Variants in TSC22D1 observed in about 807,000 individuals in gnomAD.
The protein encoded by TSC22D1 is TSC22 domain family member 1.
In TSC22D1, 9 loss-of-function variants were observed where a neutral mutation model predicts 74.2. That is an observed-to-expected ratio of 0.12 (90% confidence interval 0.07 to 0.21). The LOEUF (loss-of-function observed/expected upper bound fraction) is 0.21. TSC22D1 is among the 10% of genes least tolerant of loss of function. TSC22D1 has a pLI of 1.00. For synonymous variants in TSC22D1, 586 were observed against 492.5 expected (o/e 1.19, Z -2.51); for missense variants, 1,427 against 1,304.7 (o/e 1.09, Z -1.44).
At chr13:44,562,190 C>A (rs957882613) in intron 1 of TSC22D1, among the ~76,000 whole-genome samples, 2 of 152,130 alleles carry the variant, frequency 1.3e-5, no homozygotes, top group South Asian at 2.1e-4. Flanking sequence ...CAGGCGTGCA[C>A]GCCACCATGC....
chr13:44,486,390 T>C (rs1200962615), intron 1 of TSC22D1, among the ~76,000 whole-genome samples: 1 of 152,096 alleles, frequency 6.6e-6, no homozygotes, highest in Non-Finnish European at 1.5e-5. Flanking sequence ...AAATGCATCA[T>C]TAGGGTTAAA....
intron 1 of TSC22D1, among the ~76,000 whole-genome samples, chr13:44,449,894 T>C (rs1875982812): frequency 6.6e-6 from 1 of 152,174 alleles, no homozygotes; most frequent in African/African-American, 2.4e-5. Flanking sequence ...CGCATTTATT[T>C]AACAGTGAGC....
intron 1 of TSC22D1, among the ~76,000 whole-genome samples, chr13:44,505,137 T>C (rs1879388226): frequency 6.6e-6 from 1 of 152,180 alleles, no homozygotes. Flanking sequence ...GGTCAAAATA[T>C]ATATTTTTGG....
Position 44,565,213 on chromosome 13 carries a change from A to C in TSC22D1, c.2912+7950T>G, listed in dbSNP as rs577000446. Among the ~76,000 whole-genome samples the C allele has an allele frequency of 2.0e-5, 3 of 152,306 alleles. No homozygotes were observed. The South Asian group carries it at 6.2e-4, about 32-fold the overall frequency. ...ATGGGAACCAATGATTACCTAGGGA[A>C]AAGGTAGTAAGTATAAAGAAGACTC... On this transcript the variant is annotated intron_variant, in intron 1 of 2. Transcript: ENST00000458659.
Position 44,434,620 on chromosome 13 carries a change from A to G in TSC22D1, c.*6T>C. 1 of 1,520,814 alleles carries G rather than the reference A, an allele frequency of 6.6e-7. No homozygotes were observed. The highest frequency in any genetic ancestry group is 1.4e-5 in the African/African-American group (1 of 71,748). The allele number at this position is 1,520,814 out of a possible 1,614,324, so 94.2% of individuals were successfully genotyped here. ...GCAGCAGCCAGTTCTGCGGGGGCATAGGCAGCTATGCGGTTGGTCCTGAGC... is the reference window on the plus strand; with the variant it reads ...GCAGCAGCCAGTTCTGCGGGGGCATGGGCAGCTATGCGGTTGGTCCTGAGC... On this transcript the variant is annotated 3_prime_UTR_variant, in exon 3 of 3. Transcript: ENST00000458659.
intron 1 of TSC22D1, among the ~76,000 whole-genome samples, chr13:44,499,778 C>A (rs1454457475): frequency 6.6e-6 from 1 of 152,060 alleles, no homozygotes; most frequent in East Asian, 1.9e-4. Flanking sequence ...TCCATCTTTG[C>A]AATTGGCTAC....
intron 1 of TSC22D1, among the ~76,000 whole-genome samples, chr13:44,491,026 C>T (rs923082551): frequency 6.6e-6 from 1 of 151,778 alleles, no homozygotes; most frequent in African/African-American, 2.4e-5. Flanking sequence ...ATTAGCCAGG[C>T]CTGGTGGCAC....
At chr13:44,476,844 T>C (rs1435194820) in intron 1 of TSC22D1, among the ~76,000 whole-genome samples, 1 of 152,004 alleles carries the variant, frequency 6.6e-6, no homozygotes, top group Non-Finnish European at 1.5e-5. Context: ...TTTTTTAATT[T>C]TTTGTAGAGA....
Position 44,433,345 on chromosome 13 carries a change from C to G in TSC22D1, c.*1281G>C, listed in dbSNP as rs1289895877. ...ACTCCTCCACTGTCTCTTCTCTTAC[C>G]TGCTGAACAACTCAATGTGTCAATT... On this transcript the variant is annotated 3_prime_UTR_variant, in exon 3 of 3. Coordinates refer to ENST00000458659, the MANE Select transcript of TSC22D1 (RefSeq NM_183422.4). The G allele has an allele frequency of 1.3e-5, 2 of 152,476 alleles. No homozygotes were observed. Among genetic ancestry groups the G allele is most frequent in the Non-Finnish European group, 2.9e-5 (2 of 68,254 alleles). The allele number at this position is 152,476 out of a possible 1,614,324, so 9.4% of individuals were successfully genotyped here.
chr13:44,488,225 A>G (rs1240827772), intron 1 of TSC22D1, among the ~76,000 whole-genome samples: 1 of 152,200 alleles, frequency 6.6e-6, no homozygotes, highest in Non-Finnish European at 1.5e-5. Context: ...ATTGTCTAAT[A>G]CAATAGCTAC....
intron 1 of TSC22D1, among the ~76,000 whole-genome samples, chr13:44,461,269 G>A (rs1340084170): frequency 6.6e-6 from 1 of 152,168 alleles, no homozygotes; most frequent in Non-Finnish European, 1.5e-5. Context: ...CCTGGAATAT[G>A]AACTCAGGTT....
At chr13:44,528,813 G>T (rs1306212898) in intron 1 of TSC22D1, among the ~76,000 whole-genome samples, 1 of 152,040 alleles carries the variant, frequency 6.6e-6, no homozygotes, top group African/African-American at 2.4e-5. Context: ...CATGACTACT[G>T]ATCCCATGGG....
At chr13:44,550,024 G>C (rs755303860) in intron 1 of TSC22D1, among the ~76,000 whole-genome samples, 2 of 151,986 alleles carry the variant, frequency 1.3e-5, no homozygotes, top group Non-Finnish European at 2.9e-5. Context: ...AACATTTTAG[G>C]AATAAAATTT....
At chr13:44,531,758 T>C (rs1880850714) in intron 1 of TSC22D1, among the ~76,000 whole-genome samples, 1 of 152,348 alleles carries the variant, frequency 6.6e-6, no homozygotes, top group Non-Finnish European at 1.5e-5. Context: ...ATAAATATTT[T>C]AAATGGTAAT....
intron 1 of TSC22D1, among the ~76,000 whole-genome samples, chr13:44,520,284 A>G (rs1234526364): frequency 6.6e-6 from 1 of 152,182 alleles, no homozygotes; most frequent in Non-Finnish European, 1.5e-5. Flanking sequence ...TCAGAGGACT[A>G]AAGATTAATA....
At chr13:44,451,443 G>A (rs1301993707) in intron 1 of TSC22D1, 1 of 151,834 alleles carries the variant, frequency 6.6e-6, no homozygotes, top group Non-Finnish European at 1.5e-5. Context: ...AGAAGAGAGA[G>A]CTTTGATTCT....
In TSC22D1 at chr13:44,433,155, T is replaced by C. The variant is rs1427575279; in HGVS notation, c.*1471A>G. ...CTGCTTATTCCAATTATACACAGAA[T>C]AAGGCTCCTTCTTCCTCTCAGTTCA... On this transcript the variant is annotated 3_prime_UTR_variant, in exon 3 of 3. Coordinates refer to ENST00000458659, the MANE Select transcript of TSC22D1 (RefSeq NM_183422.4). 1 of 152,216 alleles carries C rather than the reference T, an allele frequency of 6.6e-6. No individual in the cohort carries two copies. Among genetic ancestry groups the C allele is most frequent in the Non-Finnish European group, 1.5e-5 (1 of 68,048 alleles). 9.4% of individuals were successfully genotyped at this position (152,216 alleles called of 1,614,324 possible).
intron 1 of TSC22D1, among the ~76,000 whole-genome samples, chr13:44,521,587 A>C (rs1260861597): frequency 6.6e-6 from 1 of 152,028 alleles, no homozygotes; most frequent in Non-Finnish European, 1.5e-5. Context: ...TTGTGAACAA[A>C]TGTTTTAATA....
chr13:44,574,768 A>G lies in TSC22D1; in HGVS notation c.1307T>C (p.Val436Ala), dbSNP rs771324770. ...TATCAGCACACCTTCTGTAGCAGGT[A>G]CAGCATTTTCTTTTTCATAGAACTC... Reference protein sequence around the residue: ...CTEFYEKENAVPATEGVLINK... With the variant: ...CTEFYEKENAAPATEGVLINK... The change falls in exon 1 of 3, where the codon GTA becomes GCA. Residue 436 changes from valine (V) to alanine (A), a missense_variant. Transcript: ENST00000458659. The G allele has an allele frequency of 6.2e-7, 1 of 1,614,114 alleles. No homozygotes were observed. The highest frequency in any genetic ancestry group is 1.7e-5 in the Admixed American group (1 of 60,032).
Sources: gnomAD v4.1 joint callset for allele counts (sites outside exome capture counted in the v4.1 genomes callset) on GRCh38, gnomAD v4.1.1 for gene constraint, MANE v1.5 for transcripts, NCBI Gene and HGNC (gene_info 2026-07-23, HGNC 2026-07-21) for gene names.